PPP1R13B: variants seen among roughly 807,000 people sequenced by gnomAD.
The protein encoded by PPP1R13B is protein phosphatase 1 regulatory subunit 13B, also known as apoptosis-stimulating of p53 protein 1.
A neutral mutation model predicts 119.8 loss-of-function variants in PPP1R13B; 44 were observed. That is an observed-to-expected ratio of 0.37 (90% CI 0.29 to 0.47). PPP1R13B has a LOEUF of 0.47. Among genes scored for constraint, PPP1R13B ranks in the 20% least tolerant of loss-of-function variants. PPP1R13B has a pLI of 0.99. For missense variants in PPP1R13B, 1,227 were observed against 1,413.5 expected, an observed-to-expected ratio of 0.87 and a Z score of 2.12; for synonymous variants, 542 against 561.5, an observed-to-expected ratio of 0.97 and a Z score of 0.49.
rs532840085 is a variant in PPP1R13B at position 103,787,295 on chromosome 14, A to G, written c.158-2381T>C. 3.0e-3 allele frequency among the ~76,000 whole-genome samples: 463 copies of G among 151,804 alleles called. 1 individual carries two copies. Among genetic ancestry groups the G allele is most frequent in the Non-Finnish European group, 4.2e-3 (285 of 67,908 alleles). ...GAAACCCCATCTCTACTAAAAATAC[A>G]AAAATTAGCCGGGCATGGTGGCGCA... On this transcript the variant is annotated intron_variant, in intron 2 of 16. Coordinates refer to ENST00000202556, the MANE Select transcript of PPP1R13B (RefSeq NM_015316.3).
chr14:103,764,846 G>A (rs2084901181), intron 4 of PPP1R13B, among the ~76,000 whole-genome samples: 2 of 152,094 alleles, frequency 1.3e-5, no homozygotes, highest in South Asian at 2.1e-4. Context: ...TTGAGATGGA[G>A]TCTCGCTCTG....
At chr14:103,846,775 C>G (rs2152093271) in intron 1 of PPP1R13B, 1 of 456,992 alleles carries the variant, frequency 2.2e-6, no homozygotes, top group East Asian at 6.9e-5. Context: ...CAAAACGAAC[C>G]AACATTGCAG....
chr14:103,734,284 T>C lies in PPP1R13B; in HGVS notation c.*870A>G, dbSNP rs2084032174. 6.2e-6 allele frequency: 2 copies of C among 321,522 alleles called. No homozygotes were observed. Among genetic ancestry groups the C allele is most frequent in the South Asian group, 2.6e-5 (1 of 39,062 alleles). The allele number at this position is 321,522 out of a possible 1,614,324, so 19.9% of individuals were successfully genotyped here. A position where few individuals can be genotyped will look rare whatever the true frequency, so the allele number is the denominator to read the frequency against. Reference sequence around the variant, plus strand: ...ATCCTTCAGGCACCAAACAGCCCCGTCTACCTGGCCCTGGTCTGCCCTCAC... The same window carrying C: ...ATCCTTCAGGCACCAAACAGCCCCGCCTACCTGGCCCTGGTCTGCCCTCAC... On this transcript the variant is annotated 3_prime_UTR_variant, in exon 17 of 17. Transcript: ENST00000202556.
At chr14:103,843,585 T>TG (rs2086957137) in intron 1 of PPP1R13B, among the ~76,000 whole-genome samples, 1 of 152,142 alleles carries the variant, frequency 6.6e-6, no homozygotes, top group Admixed American at 6.5e-5. Context: ...GATAAAAAGG[T>TG]GAGTGACTAC....
chr14:103,791,578 A>C (rs2085621976), intron 2 of PPP1R13B, among the ~76,000 whole-genome samples: 1 of 152,146 alleles, frequency 6.6e-6, no homozygotes, highest in South Asian at 2.1e-4. Context: ...TACAAAACTT[A>C]GCCAGGCGTG....
chr14:103,796,617 C>G (rs1212688786), intron 2 of PPP1R13B, among the ~76,000 whole-genome samples: 1 of 152,076 alleles, frequency 6.6e-6, no homozygotes, highest in African/African-American at 2.4e-5. Flanking sequence ...CCCAGAGATT[C>G]CTAGGTTTAT....
chr14:103,823,554 A>C (rs945090244), intron 1 of PPP1R13B, among the ~76,000 whole-genome samples: 5 of 152,050 alleles, frequency 3.3e-5, no homozygotes, highest in African/African-American at 1.2e-4. Context: ...TCTGGACCCT[A>C]CCTTGTCACC....
chr14:103,754,908 T>C (rs1184701759), intron 5 of PPP1R13B, among the ~76,000 whole-genome samples: 2 of 151,874 alleles, frequency 1.3e-5, no homozygotes, highest in Admixed American at 6.6e-5. Context: ...GTCTACCGAG[T>C]AGCTGGGACT....
chr14:103,779,899 C>T (rs552571850), intron 3 of PPP1R13B, among the ~76,000 whole-genome samples: 1 of 152,014 alleles, frequency 6.6e-6, no homozygotes, highest in South Asian at 2.1e-4. Context: ...CCTGTAATCC[C>T]AGCACTTTGG....
intron 1 of PPP1R13B, among the ~76,000 whole-genome samples, chr14:103,826,447 A>G (rs1171159698): frequency 6.6e-6 from 1 of 152,184 alleles, no homozygotes; most frequent in South Asian, 2.1e-4. Context: ...AGGTCTACTC[A>G]GGTATTACCA....
intron 3 of PPP1R13B, among the ~76,000 whole-genome samples, chr14:103,784,220 A>G (rs941050532): frequency 6.6e-6 from 1 of 151,790 alleles, no homozygotes; most frequent in African/African-American, 2.4e-5. Context: ...AAGTCCCTTT[A>G]TATGTCTGAG....
intron 3 of PPP1R13B, 88 bp downstream of exon 3, chr14:103,784,707 G>A: frequency 1.5e-6 from 2 of 1,315,768 alleles, no homozygotes; most frequent in Non-Finnish European, 2.1e-6. Flanking sequence ...GGCCGGGTGT[G>A]TGTGAATAAT....
At chr14:103,792,604 A>C (rs2085650209) in intron 2 of PPP1R13B, among the ~76,000 whole-genome samples, 1 of 152,156 alleles carries the variant, frequency 6.6e-6, no homozygotes, top group Non-Finnish European at 1.5e-5. Context: ...GTCTCTACAA[A>C]AAATAAATAA....
At chr14:103,777,971 G>C (rs1201023702) in intron 4 of PPP1R13B, among the ~76,000 whole-genome samples, 1 of 113,360 alleles carries the variant, frequency 8.8e-6, no homozygotes, top group Non-Finnish European at 1.9e-5. Flanking sequence ...TTTTTTTTTT[G>C]AGATGGAATT....
chr14:103,737,148 GC>G (rs1156399483), intron 15 of PPP1R13B: 1 of 152,436 alleles, frequency 6.6e-6, no homozygotes, highest in African/African-American at 2.4e-5. Context: ...TGGGAATCTG[GC>G]ACAGAATCCT....
intron 1 of PPP1R13B, among the ~76,000 whole-genome samples, chr14:103,810,197 G>C (rs1198949438): frequency 2.0e-5 from 3 of 151,858 alleles, no homozygotes; most frequent in Non-Finnish European, 4.4e-5. Context: ...GCTGAGGCAG[G>C]TGGATCATGA....
chr14:103,846,441 G>A (rs1350729730), intron 1 of PPP1R13B, among the ~76,000 whole-genome samples: 1 of 152,162 alleles, frequency 6.6e-6, no homozygotes, highest in Non-Finnish European at 1.5e-5. Flanking sequence ...AAATGACTGT[G>A]TTACTTTACT....
chr14:103,774,438 G>A (rs879724), intron 4 of PPP1R13B, among the ~76,000 whole-genome samples: 3,334 of 152,224 alleles, frequency 0.022, 110 homozygotes, highest in African/African-American at 0.076. Context: ...CGGAACCTGG[G>A]GACATCTTGG....
At chr14:103,798,693 G>A (rs1266516289) in intron 1 of PPP1R13B, among the ~76,000 whole-genome samples, 6 of 151,882 alleles carry the variant, frequency 4.0e-5, no homozygotes, top group South Asian at 4.2e-4. Context: ...AATAAAAATC[G>A]TCTAGCCTTA....
Sources: gnomAD v4.1 joint callset for allele counts (sites outside exome capture counted in the v4.1 genomes callset) on GRCh38, gnomAD v4.1.1 for gene constraint, MANE v1.5 for transcripts, NCBI Gene and HGNC (gene_info 2026-07-23, HGNC 2026-07-21) for gene names.